Variants in SIPA1L3 observed in about 807,000 individuals in gnomAD.
SIPA1L3 encodes signal-induced proliferation-associated 1-like protein 3.
Under a neutral mutation model 150.1 loss-of-function variants are expected in SIPA1L3, and 59 were observed. That is an observed-to-expected ratio of 0.39 (90% CI 0.32 to 0.49). SIPA1L3 has a LOEUF of 0.49. Among genes scored for constraint, SIPA1L3 ranks in the 20% least tolerant of loss-of-function variants. The pLI is 0.86. For synonymous variants in SIPA1L3, 1,070 were observed against 1,077.6 expected, an observed-to-expected ratio of 0.99 and a Z score of 0.14; for missense variants, 2,211 against 2,489.5, an observed-to-expected ratio of 0.89 and a Z score of 2.38.
chr19:37,932,559 C>T (rs1599808790), intron 1 of SIPA1L3: 1 of 152,226 alleles, frequency 6.6e-6, no homozygotes, highest in East Asian at 1.9e-4. Flanking sequence ...GCGGGCACCA[C>T]TGAGGTCGGC....
intron 8 of SIPA1L3, 89 bp downstream of exon 8, chr19:38,110,473 AC>A: frequency 9.2e-7 from 1 of 1,081,500 alleles, no homozygotes; most frequent in Non-Finnish European, 1.4e-6. Context: ...GCCCCCCCAC[AC>A]CTCACGTTGT....
At chr19:38,122,737 G>C (rs1289699723) in intron 9 of SIPA1L3, among the ~76,000 whole-genome samples, 1 of 152,174 alleles carries the variant, frequency 6.6e-6, no homozygotes, top group Non-Finnish European at 1.5e-5. Context: ...GACCTCTGAG[G>C]TTTCATGCGC....
chr19:38,098,654 C>T (rs1303696899), intron 4 of SIPA1L3, among the ~76,000 whole-genome samples: 2 of 152,136 alleles, frequency 1.3e-5, no homozygotes, highest in Admixed American at 6.6e-5. Flanking sequence ...CTCGGCCTCC[C>T]AAAGGGGGCT....
At chr19:37,920,691 A>G (rs1876481091) in intron 1 of SIPA1L3, among the ~76,000 whole-genome samples, 2 of 152,352 alleles carry the variant, frequency 1.3e-5, no homozygotes, top group South Asian at 4.1e-4. Context: ...GTCCACTTAT[A>G]TAATACAAAT....
intron 1 of SIPA1L3, among the ~76,000 whole-genome samples, chr19:37,937,451 A>G (rs2046610290): frequency 6.6e-6 from 1 of 151,964 alleles, no homozygotes; most frequent in Non-Finnish European, 1.5e-5. Flanking sequence ...AACTTTATCA[A>G]AATATGGCTG....
intron 1 of SIPA1L3, among the ~76,000 whole-genome samples, chr19:37,963,590 G>A (rs912939691): frequency 3.3e-5 from 5 of 152,200 alleles, no homozygotes; most frequent in African/African-American, 4.8e-5. Flanking sequence ...CAAATTAAAC[G>A]CCACATGTTC....
At chr19:38,166,780 G>A (rs913384708) in intron 15 of SIPA1L3, among the ~76,000 whole-genome samples, 10 of 152,198 alleles carry the variant, frequency 6.6e-5, no homozygotes, top group Non-Finnish European at 1.3e-4. Flanking sequence ...CCTGGTTGGC[G>A]CAGGGATCTT....
At chr19:37,916,546 G>C (rs1453107370) in intron 1 of SIPA1L3, among the ~76,000 whole-genome samples, 2 of 148,780 alleles carry the variant, frequency 1.3e-5, no homozygotes, top group Non-Finnish European at 3.0e-5. Context: ...TCTTTCATCT[G>C]TCCATCTGTG....
In SIPA1L3 at chr19:38,206,338, A is replaced by G; in HGVS notation, c.*98A>G. The G allele has an allele frequency of 1.4e-6, 2 of 1,407,272 alleles. No homozygotes were observed. Among genetic ancestry groups the G allele is most frequent in the Non-Finnish European group, 1.9e-6 (2 of 1,050,188 alleles). 87.2% of individuals were successfully genotyped at this position (1,407,272 alleles called of 1,614,324 possible). ...GCTCCCAGCTGCCGGTGTGACCAAG[A>G]TGACCCATCCAGGGCCCTCCCCATG... is the stretch of plus-strand genomic sequence containing the variant. On this transcript the variant is annotated 3_prime_UTR_variant, in exon 22 of 22. Transcript: ENST00000222345.
intron 6 of SIPA1L3, 94 bp downstream of exon 6, chr19:38,101,320 C>A: frequency 1.1e-6 from 1 of 903,238 alleles, no homozygotes; most frequent in Non-Finnish European, 1.6e-6. Context: ...ACGGTGGGGA[C>A]GTGGAGCAGT....
intron 15 of SIPA1L3, among the ~76,000 whole-genome samples, chr19:38,172,992 C>T (rs976865249): frequency 4.6e-5 from 7 of 151,754 alleles, no homozygotes; most frequent in African/African-American, 1.2e-4. Flanking sequence ...GTCCCAGCTA[C>T]TTGGGAGGCT....
intron 6 of SIPA1L3, among the ~76,000 whole-genome samples, chr19:38,102,237 G>T (rs1970520544): frequency 6.7e-6 from 1 of 150,244 alleles, no homozygotes; most frequent in Non-Finnish European, 1.5e-5. Flanking sequence ...AGTAGAGATG[G>T]GGATTTACTA....
Position 38,081,816 on chromosome 19 carries a change from C to G in SIPA1L3, c.251C>G (p.Ala84Gly). ...AAGATGGGCGTGCGCGCAAGGGTGG[C>G]CGACTGGCCGCCCAAGCGGGAGGCC... is the stretch of plus-strand genomic sequence containing the variant. ...MPKMGVRARV[A>G]DWPPKREALR... is the part of the protein sequence containing the mutation. The change falls in exon 3 of 22, where the codon GCC becomes GGC. Residue 84 changes from alanine to glycine, a missense_variant. Around this residue, in one of 5 missense-constraint regions of SIPA1L3, gnomAD observed 130 missense variants for 174.5 expected, o/e 0.74. Coordinates refer to ENST00000222345, the MANE Select transcript of SIPA1L3 (RefSeq NM_015073.3). 1 of 1,613,558 alleles carries G rather than the reference C, an allele frequency of 6.2e-7. No individual in the cohort carries two copies. The highest frequency in any genetic ancestry group is 8.5e-7 in the Non-Finnish European group (1 of 1,179,816).
intron 1 of SIPA1L3, among the ~76,000 whole-genome samples, chr19:37,980,440 G>A (rs1235966006): frequency 6.6e-6 from 1 of 152,158 alleles, no homozygotes; most frequent in Non-Finnish European, 1.5e-5. Flanking sequence ...TGTTCTGGTG[G>A]AAACTGAAGG....
chr19:38,132,709 G>T (rs1210274874), intron 10 of SIPA1L3, among the ~76,000 whole-genome samples: 1 of 150,274 alleles, frequency 6.7e-6, no homozygotes, highest in African/African-American at 2.5e-5. Flanking sequence ...GTGCAGTGGC[G>T]CAATCTTGGC....
intron 15 of SIPA1L3, among the ~76,000 whole-genome samples, chr19:38,178,114 T>G (rs949841919): frequency 6.6e-5 from 10 of 151,140 alleles, no homozygotes; most frequent in Non-Finnish European, 1.3e-4. Context: ...TGTGTGTGTG[T>G]GTGTGTGTGT....
At chr19:37,964,417 T>A (rs1214729322) in intron 1 of SIPA1L3, 1 of 152,044 alleles carries the variant, frequency 6.6e-6, no homozygotes, top group African/African-American at 2.4e-5. Context: ...AAGGAGAAAA[T>A]TTCTCTTTAG....
chr19:38,144,952 C>T (rs1387756269), intron 12 of SIPA1L3, among the ~76,000 whole-genome samples: 1 of 151,980 alleles, frequency 6.6e-6, no homozygotes, highest in Non-Finnish European at 1.5e-5. Flanking sequence ...GAGTAAAGGC[C>T]ACAGATATGA....
chr19:38,181,571 C>T (rs566217705), intron 15 of SIPA1L3, among the ~76,000 whole-genome samples: 1 of 152,032 alleles, frequency 6.6e-6, no homozygotes, highest in African/African-American at 2.4e-5. Flanking sequence ...TGACCGGGTG[C>T]GGTGGCTCAC....
Sources: gnomAD v4.1 joint callset for allele counts (sites outside exome capture counted in the v4.1 genomes callset) on GRCh38, gnomAD v4.1.1 for gene constraint, gnomAD v4.1.1 regional missense constraint, MANE v1.5 for transcripts, NCBI Gene and HGNC (gene_info 2026-07-23, HGNC 2026-07-21) for gene names.